CHRM3: variants seen among roughly 807,000 people sequenced by gnomAD.
The protein encoded by CHRM3 is muscarinic acetylcholine receptor M3.
A neutral mutation model predicts 41.8 loss-of-function variants in CHRM3; 11 were observed. The ratio of observed to expected loss-of-function variants is 0.26; its 90% CI spans 0.17 to 0.44. The LOEUF is 0.44. Among genes scored for constraint, CHRM3 ranks in the 20% least tolerant of loss-of-function variants. The pLI, the probability that CHRM3 is intolerant of heterozygous loss-of-function variation, is 1.00. For synonymous variants in CHRM3, 297 were observed against 301.4 expected (o/e 0.99, Z 0.15); for missense variants, 571 against 745.4 (o/e 0.77, Z 2.72).
At chr1:239,541,418 A>C (rs1460385598) in intron 2 of CHRM3, among the ~76,000 whole-genome samples, 1 of 152,164 alleles carries the variant, frequency 6.6e-6, no homozygotes, top group African/African-American at 2.4e-5. Context: ...GAGGAGATTT[A>C]TTTTATTTTG....
chr1:239,563,917 T>C (rs1385422863), intron 3 of CHRM3, among the ~76,000 whole-genome samples: 2 of 152,178 alleles, frequency 1.3e-5, no homozygotes, highest in Admixed American at 6.5e-5. Flanking sequence ...CTCTTTTTCA[T>C]GAACACTGGA....
chr1:239,873,545 A>G (rs1035865093), intron 6 of CHRM3, among the ~76,000 whole-genome samples: 5 of 147,564 alleles, frequency 3.4e-5, no homozygotes, highest in African/African-American at 1.3e-4. Flanking sequence ...CCCTATGTCC[A>G]TGTGTTCTCA....
chr1:239,791,615 A>G (rs1669355463), intron 5 of CHRM3, among the ~76,000 whole-genome samples: 1 of 152,168 alleles, frequency 6.6e-6, no homozygotes, highest in African/African-American at 2.4e-5. Context: ...TGCCATCCTA[A>G]GACTGGCTTT....
intron 5 of CHRM3, chr1:239,704,670 A>G (rs1454338343): frequency 6.6e-6 from 1 of 152,168 alleles, no homozygotes; most frequent in Non-Finnish European, 1.5e-5. Context: ...CCCTTCCCCC[A>G]AGGGACGAGG....
At chr1:239,739,665 G>A (rs936832020) in intron 5 of CHRM3, among the ~76,000 whole-genome samples, 1 of 152,096 alleles carries the variant, frequency 6.6e-6, no homozygotes, top group African/African-American at 2.4e-5. Context: ...TCACATGCTG[G>A]AGGATTTTTT....
At chr1:239,679,115 A>G (rs1658309444) in intron 5 of CHRM3, among the ~76,000 whole-genome samples, 1 of 152,178 alleles carries the variant, frequency 6.6e-6, no homozygotes, top group African/African-American at 2.4e-5. Context: ...GTGTGTTTGT[A>G]TATATAGTAT....
At chr1:239,866,642 A>G (rs936232782) in intron 6 of CHRM3, among the ~76,000 whole-genome samples, 7 of 152,190 alleles carry the variant, frequency 4.6e-5, no homozygotes, top group African/African-American at 1.4e-4. Context: ...TGGTTGTTAT[A>G]TTAGGTAATG....
At chr1:239,770,398 A>C (rs1326762597) in intron 5 of CHRM3, among the ~76,000 whole-genome samples, 1 of 152,228 alleles carries the variant, frequency 6.6e-6, no homozygotes, top group Non-Finnish European at 1.5e-5. Context: ...TGGTCAAGTG[A>C]AAGACATAAT....
intron 5 of CHRM3, among the ~76,000 whole-genome samples, chr1:239,805,982 A>G (rs1670608688): frequency 6.6e-6 from 1 of 152,148 alleles, no homozygotes; most frequent in Non-Finnish European, 1.5e-5. Context: ...CAAAACAGGA[A>G]TCTCTCTTGG....
chr1:239,577,662 G>A (rs143080600), intron 3 of CHRM3, among the ~76,000 whole-genome samples: 2 of 152,252 alleles, frequency 1.3e-5, no homozygotes, highest in African/African-American at 4.8e-5. Context: ...TAATCATTTC[G>A]CATTGGTACC....
chr1:239,575,817 A>T (rs2148560228), intron 3 of CHRM3, among the ~76,000 whole-genome samples: 1 of 152,226 alleles, frequency 6.6e-6, no homozygotes, highest in South Asian at 2.1e-4. Context: ...CACGTAAAAC[A>T]AAATTTACCA....
At chr1:239,862,293 AG>A (rs1675704835) in intron 6 of CHRM3, among the ~76,000 whole-genome samples, 1 of 152,234 alleles carries the variant, frequency 6.6e-6, no homozygotes, top group African/African-American at 2.4e-5. Context: ...TTTATTGGAA[AG>A]GAAGCTATGT....
rs114981828 is a variant in CHRM3, at chr1:239,388,737, C to T, written c.-521+1510C>T. On this transcript the variant is annotated intron_variant, in intron 1 of 6. Coordinates refer to ENST00000676153, the MANE Select transcript of CHRM3 (RefSeq NM_001375978.1). ...CCTCTTGTTATAAGAGCTGATATCC[C>T]GAAGTATACATGTGCAAGGAACATG... 4.1e-3 allele frequency among the ~76,000 whole-genome samples: 625 copies of T among 152,298 alleles called. 5 individuals carry two copies. The highest frequency in any genetic ancestry group is 0.014 in the African/African-American group (590 of 41,562).
intron 3 of CHRM3, among the ~76,000 whole-genome samples, chr1:239,597,841 A>G (rs945499674): frequency 6.8e-6 from 1 of 146,388 alleles, no homozygotes; most frequent in African/African-American, 2.5e-5. Flanking sequence ...AGGTGGTCAA[A>G]AAAAAAAACT....
At chr1:239,484,032 G>T (rs1667031105) in intron 1 of CHRM3, among the ~76,000 whole-genome samples, 1 of 152,112 alleles carries the variant, frequency 6.6e-6, no homozygotes, top group South Asian at 2.1e-4. Context: ...TTTCAGCTTT[G>T]AAATTTTTCC....
At chr1:239,407,277 C>G (rs576510850) in intron 1 of CHRM3, among the ~76,000 whole-genome samples, 26 of 152,108 alleles carry the variant, frequency 1.7e-4, no homozygotes, top group African/African-American at 5.5e-4. Context: ...CATCATTCAC[C>G]ATCTTCTGAA....
intron 1 of CHRM3, among the ~76,000 whole-genome samples, chr1:239,390,361 A>G (rs924848933): frequency 6.6e-6 from 1 of 152,208 alleles, no homozygotes; most frequent in African/African-American, 2.4e-5. Flanking sequence ...AAATTTCAAC[A>G]TCAATGGAAA....
chr1:239,835,223 C>G (rs1372300124), intron 6 of CHRM3, among the ~76,000 whole-genome samples: 1 of 152,236 alleles, frequency 6.6e-6, no homozygotes, highest in Non-Finnish European at 1.5e-5. Flanking sequence ...GATCTTCAGT[C>G]TTTCCGGATC....
At chr1:239,708,717 TTCTTC>T (rs971055958) in intron 5 of CHRM3, among the ~76,000 whole-genome samples, 3 of 151,368 alleles carry the variant, frequency 2.0e-5, no homozygotes, top group African/African-American at 7.3e-5. Flanking sequence ...GGCTCTTTGT[TTCTTC>T]TGGTTTAAAT....
Sources: allele counts gnomAD v4.1 joint callset (sites outside exome capture counted in the v4.1 genomes callset), GRCh38; gene constraint gnomAD v4.1.1; transcripts MANE v1.5; gene names NCBI Gene and HGNC (gene_info 2026-07-23, HGNC 2026-07-21).